The following PCDHA5 variants were observed in gnomAD, a reference collection of about 807,000 sequenced individuals.
The protein encoded by PCDHA5 is protocadherin alpha-5.
A neutral mutation model predicts 61.6 loss-of-function variants in PCDHA5; 43 were observed. The ratio of observed to expected loss-of-function variants is 0.70; its 90% CI spans 0.55 to 0.90. The LOEUF (loss-of-function observed/expected upper bound fraction) is 0.90. Among genes scored for constraint, PCDHA5 ranks in the 40% least tolerant of loss-of-function variants. The pLI, the probability that PCDHA5 is intolerant of heterozygous loss-of-function variation, is 0.00. For synonymous variants in PCDHA5, 627 were observed against 543.9 expected, an observed-to-expected ratio of 1.15 and a Z score of -2.13; for missense variants, 1,298 against 1,222.7, an observed-to-expected ratio of 1.06 and a Z score of -0.92.
At chr5:140,967,390 G>C (rs2096135950) in intron 1 of PCDHA5, 1 of 1,609,870 alleles carries the variant, frequency 6.2e-7, no homozygotes, top group African/African-American at 1.3e-5. Context: ...AAGTGCTTGA[G>C]CTGGTGCTGC....
chr5:140,836,453 G>T, intron 1 of PCDHA5: 1 of 1,613,854 alleles, frequency 6.2e-7, no homozygotes, highest in Non-Finnish European at 8.5e-7. Flanking sequence ...CAGGCCCAGA[G>T]ACCGAGCTGG....
intron 1 of PCDHA5, among the ~76,000 whole-genome samples, chr5:140,922,423 T>C (rs1554200812): frequency 6.6e-6 from 1 of 152,170 alleles, no homozygotes; most frequent in Non-Finnish European, 1.5e-5. Context: ...GTACAGAGGC[T>C]GAGGGCAGAA....
chr5:140,882,651 A>T, intron 1 of PCDHA5: 1 of 1,614,206 alleles, frequency 6.2e-7, no homozygotes, highest in Non-Finnish European at 8.5e-7. Context: ...GACATTAACG[A>T]CAACCCGCCC....
intron 1 of PCDHA5, chr5:140,829,408 C>T: frequency 1.2e-6 from 2 of 1,614,134 alleles, no homozygotes; most frequent in Non-Finnish European, 1.7e-6. Context: ...GGGCCACCGC[C>T]AGCTTGTCTG....
chr5:140,876,928 A>G lies in PCDHA5; in HGVS notation c.2352+52801A>G, dbSNP rs188405716. On this transcript the variant is annotated intron_variant, in intron 1 of 3. Coordinates refer to ENST00000529859, the MANE Select transcript of PCDHA5 (RefSeq NM_018908.3). ...GTCGGCATGGGACGCGGACGCGCAG[A>G]AGAACGCGCTGGTGTCCTACTCGCT... The G allele has an allele frequency of 1.9e-5, 31 of 1,613,808 alleles. No individual in the cohort carries two copies. In the African/African-American group the frequency reaches 2.4e-4, roughly 12 times the overall value.
chr5:140,986,572 G>T (rs1587171327), intron 3 of PCDHA5, among the ~76,000 whole-genome samples: 1 of 152,268 alleles, frequency 6.6e-6, no homozygotes, highest in East Asian at 1.9e-4. Context: ...TCTGTTATTG[G>T]TTTTTCCAGC....
chr5:140,909,769 C>T (rs1213208977), intron 1 of PCDHA5, among the ~76,000 whole-genome samples: 2 of 152,104 alleles, frequency 1.3e-5, no homozygotes, highest in Non-Finnish European at 2.9e-5. Flanking sequence ...AGTCCAGGGA[C>T]CCACTGGACC....
intron 1 of PCDHA5, chr5:140,835,997 C>A: frequency 6.2e-7 from 1 of 1,613,306 alleles, no homozygotes; most frequent in Non-Finnish European, 8.5e-7. Context: ...TGAGCGCGCG[C>A]GATGCGGGCG....
chr5:140,879,687 CA>C (rs1343612878), intron 1 of PCDHA5, among the ~76,000 whole-genome samples: 1 of 152,156 alleles, frequency 6.6e-6, no homozygotes, highest in Non-Finnish European at 1.5e-5. Context: ...TGTAAAACAG[CA>C]AAAGTTTATT....
At position 140,978,970 on chromosome 5, in the gene PCDHA5, T is replaced by A; in HGVS notation, c.2374T>A (p.Trp792Arg). The change falls in exon 2 of 4, where the codon TGG (tryptophan) becomes AGG (arginine). Residue 792 changes from tryptophan to arginine, a missense_variant. Coordinates refer to ENST00000529859, the MANE Select transcript of PCDHA5 (RefSeq NM_018908.3). ...TDNPRQPNPD[W>R]RYSASLRAGM... is the part of the protein sequence containing the mutation. Reference sequence around the variant, plus strand: ...GCAGCCACGACAGCCCAACCCTGACTGGCGTTACTCTGCCTCCCTGAGAGC... The same window carrying A: ...GCAGCCACGACAGCCCAACCCTGACAGGCGTTACTCTGCCTCCCTGAGAGC... 6.2e-7 allele frequency: 1 copy of A among 1,614,216 alleles called. No homozygotes were observed. Among genetic ancestry groups the A allele is most frequent in the Admixed American group, 1.7e-5 (1 of 60,030 alleles).
At chr5:140,870,512 G>A in intron 1 of PCDHA5, 1 of 1,614,224 alleles carries the variant, frequency 6.2e-7, no homozygotes, top group Non-Finnish European at 8.5e-7. Flanking sequence ...AACCCACCAG[G>A]CTGCCACATC....
intron 1 of PCDHA5, chr5:140,876,689 C>A (rs2056506979): frequency 1.2e-6 from 2 of 1,614,228 alleles, no homozygotes; most frequent in Non-Finnish European, 1.7e-6. Context: ...AATTACTACT[C>A]GTTGGTGCTG....
At chr5:141,001,997 CA>C (rs1587968703) in intron 3 of PCDHA5, among the ~76,000 whole-genome samples, 1 of 152,190 alleles carries the variant, frequency 6.6e-6, no homozygotes, top group Admixed American at 6.5e-5. Flanking sequence ...AGTTCACTTG[CA>C]AACACAGAAT....
rs183413454 is a variant in PCDHA5 at position 140,846,304 on chromosome 5, C to A, written c.2352+22177C>A. Among the ~76,000 whole-genome samples, 113 of 148,752 alleles carry A rather than the reference C, an allele frequency of 7.6e-4. 8 individuals are homozygous for A. Among genetic ancestry groups the A allele is most frequent in the African/African-American group, 2.6e-3 (105 of 40,780 alleles). On this transcript the variant is annotated intron_variant, in intron 1 of 3. Transcript: ENST00000529859. Reference sequence around the variant, plus strand: ...GTTGTAGTTCTATGAATTAAGTAAACCATTTATGTAGAGTGTTGTAAATAG... The same window carrying A: ...GTTGTAGTTCTATGAATTAAGTAAAACATTTATGTAGAGTGTTGTAAATAG...
At chr5:140,835,591 A>T (rs2150238905) in intron 1 of PCDHA5, 2 of 1,613,686 alleles carry the variant, frequency 1.2e-6, no homozygotes, top group African/African-American at 2.7e-5. Flanking sequence ...ACCTTCAAGA[A>T]TTACTATTCA....
At chr5:140,898,676 G>C (rs1478380529) in intron 1 of PCDHA5, among the ~76,000 whole-genome samples, 3 of 152,036 alleles carry the variant, frequency 2.0e-5, no homozygotes, top group African/African-American at 4.8e-5. Context: ...GTTGCGGGCT[G>C]TTTTTTGGTT....
rs2150255881 is a variant in PCDHA5, at chr5:140,836,226, G to T, written c.2352+12099G>T. 193 of 1,613,826 alleles carry T rather than the reference G, an allele frequency of 1.2e-4. 3 individuals carry two copies. The East Asian group carries it at 3.9e-3, about 32-fold the overall frequency. ...GCTTTCGTATGAGTTGCAACCGGTG[G>T]CGGCCGGTGCGAGCATCCCGTTCCG... On this transcript the variant is annotated intron_variant, in intron 1 of 3. Transcript: ENST00000529859.
intron 1 of PCDHA5, chr5:140,966,979 C>T (rs1554229021): frequency 2.5e-6 from 4 of 1,603,612 alleles, no homozygotes; most frequent in Admixed American, 1.7e-5. Context: ...AGCTGCGGCG[C>T]TTGGGGCCGG....
chr5:141,008,766 A>G (rs2098390228), intron 3 of PCDHA5, among the ~76,000 whole-genome samples: 1 of 152,246 alleles, frequency 6.6e-6, no homozygotes, highest in Non-Finnish European at 1.5e-5. Context: ...TTTGGCTTGG[A>G]AAGTAAAATT....
Sources: gnomAD v4.1 joint callset for allele counts (sites outside exome capture counted in the v4.1 genomes callset) on GRCh38, gnomAD v4.1.1 for gene constraint, MANE v1.5 for transcripts, NCBI Gene and HGNC (gene_info 2026-07-23, HGNC 2026-07-21) for gene names.